Variants in ZNF433 observed in about 807,000 individuals in gnomAD.
ZNF433 encodes the protein zinc finger protein 433.
Under a neutral mutation model 10.6 loss-of-function variants are expected in ZNF433, and 12 were observed. The ratio of observed to expected loss-of-function variants is 1.13; its 90% confidence interval spans 0.72 to 1.83. ZNF433 has a LOEUF of 1.83. Ranked by LOEUF, ZNF433 falls within the 40% of genes most tolerant of loss-of-function variation. ZNF433 has a pLI of 0.00. For missense variants in ZNF433, 737 were observed against 798.0 expected, an observed-to-expected ratio of 0.92 and a Z score of 0.92; for synonymous variants, 272 against 271.3, an observed-to-expected ratio of 1.00 and a Z score of -0.02.
chr19:12,032,721 T>C (rs771089480), intron 1 of ZNF433, among the ~76,000 whole-genome samples: 2 of 152,118 alleles, frequency 1.3e-5, no homozygotes, highest in South Asian at 4.1e-4. Context: ...TGACCTCAGG[T>C]GATCCACCTG....
chr19:12,023,965 A>G (rs925708127), intron 1 of ZNF433: 2 of 152,160 alleles, frequency 1.3e-5, no homozygotes, highest in Non-Finnish European at 2.9e-5. Context: ...ACCAAGGTTT[A>G]GGGTATCATT....
chr19:12,019,616 C>A (rs925593445), intron 1 of ZNF433, among the ~76,000 whole-genome samples: 14 of 152,124 alleles, frequency 9.2e-5, no homozygotes, highest in Admixed American at 2.0e-4. Context: ...GAAAACTGAA[C>A]CTTGAAGACA....
At position 12,014,917 on chromosome 19, in the gene ZNF433, T is replaced by C. The variant is rs1599345160; in HGVS notation, c.1941A>G (p.Gln647=). The C allele has an allele frequency of 1.9e-6, 3 of 1,613,900 alleles. No homozygotes were observed. The highest frequency in any genetic ancestry group is 1.3e-5 in the African/African-American group (1 of 75,022). ...HTGEKPYKCN[Q]CGKVFRCSSQ... Reference sequence around the variant, plus strand: ...AAGAACATCTAAAGACTTTACCACATTGGTTACATTTATAGGGTTTCTCTC... The same window carrying C: ...AAGAACATCTAAAGACTTTACCACACTGGTTACATTTATAGGGTTTCTCTC... The change falls in exon 4 of 4, where the codon CAA becomes CAG. Residue 647 remains glutamine, a synonymous_variant. Coordinates refer to ENST00000550507, the MANE Select transcript of ZNF433 (RefSeq NM_001308348.2).
At chr19:12,033,393 G>A (rs980686437) in intron 1 of ZNF433, among the ~76,000 whole-genome samples, 1 of 152,156 alleles carries the variant, frequency 6.6e-6, no homozygotes, top group Non-Finnish European at 1.5e-5. Context: ...CACTGCACCT[G>A]GCCAGTGCAT....
At chr19:12,035,457 C>T in intron 1 of ZNF433, 80 bp downstream of exon 1, 1 of 1,540,312 alleles carries the variant, frequency 6.5e-7, no homozygotes, top group South Asian at 1.2e-5. Flanking sequence ...CGCGGGGAGG[C>T]CCGGGTCCCA....
rs1179475466 is a variant in ZNF433, at chr19:12,018,157, C to T, written c.130+9G>A. The T allele has an allele frequency of 1.9e-6, 3 of 1,557,062 alleles. No individual in the cohort carries two copies. Among genetic ancestry groups the T allele is most frequent in the African/African-American group, 1.4e-5 (1 of 71,456 alleles). On this transcript the variant is annotated intron_variant, in intron 2 of 3. Transcript: ENST00000550507. ...CATTTACTGAAGGAAGTAATGTTGTCACCCTTACCTATAGAGGCCAGGTTC... is the reference window on the plus strand; with the variant it reads ...CATTTACTGAAGGAAGTAATGTTGTTACCCTTACCTATAGAGGCCAGGTTC...
At chr19:12,030,145 AC>A (rs1475769661) in intron 1 of ZNF433, 18 of 438,500 alleles carry the variant, frequency 4.1e-5, no homozygotes, top group Admixed American at 1.5e-4. Context: ...CTTACCAGGC[AC>A]CAGATCTGTC....
At chr19:12,033,787 A>C (rs1194377545) in intron 1 of ZNF433, among the ~76,000 whole-genome samples, 1 of 152,140 alleles carries the variant, frequency 6.6e-6, no homozygotes, top group Non-Finnish European at 1.5e-5. Context: ...GCGCCACTGC[A>C]CTCCAGCCTG....
intron 1 of ZNF433, 90 bp downstream of exon 1, chr19:12,035,447 C>G: frequency 6.6e-7 from 1 of 1,525,338 alleles, no homozygotes; most frequent in Non-Finnish European, 8.9e-7. Context: ...CCGGAGTCGC[C>G]GCGGGGAGGC....
At position 12,035,587 on chromosome 19, in the gene ZNF433, GGCGACAGAA is replaced by G. The variant is rs2145503802; in HGVS notation, c.-57_-49del. The G allele has an allele frequency of 2.6e-6, 4 of 1,558,092 alleles. No individual in the cohort carries two copies. In the East Asian group the frequency reaches 9.7e-5, roughly 38 times the overall value. ...CACGACCAGTGCGGGTCACAGCACA[GGCGACAGAA>G]GCTATGGCAGAGGCACCTGAACCCT... is the stretch of plus-strand genomic sequence containing the variant. On this transcript the variant is annotated 5_prime_UTR_variant, in exon 1 of 4. Coordinates refer to ENST00000550507, the MANE Select transcript of ZNF433 (RefSeq NM_001308348.2).
At chr19:12,022,527 TGGGTCTTGAACCCA>T (rs1974547899) in intron 1 of ZNF433, among the ~76,000 whole-genome samples, 1 of 152,142 alleles carries the variant, frequency 6.6e-6, no homozygotes, top group Non-Finnish European at 1.5e-5. Flanking sequence ...TGTACATGTG[TGGGTCTTGAACCCA>T]GGTCAAAGTG....
chr19:12,024,162 C>T (rs1159877003), intron 1 of ZNF433: 4 of 152,134 alleles, frequency 2.6e-5, no homozygotes, highest in South Asian at 2.1e-4. Context: ...CTCCAGTCTT[C>T]GTAATTAAGA....
intron 1 of ZNF433, chr19:12,027,138 T>C (rs1023186667): frequency 2.2e-5 from 10 of 448,812 alleles, no homozygotes; most frequent in Admixed American, 4.9e-5. Context: ...ACTGGAGTGC[T>C]TGAAGGAGCT....
At chr19:12,026,913 A>G (rs1259383470) in intron 1 of ZNF433, 3 of 454,158 alleles carry the variant, frequency 6.6e-6, no homozygotes, top group Non-Finnish European at 1.3e-5. Flanking sequence ...ATCTGGAAAC[A>G]TGGTGGTATA....
rs377654594 is a variant in ZNF433, at chr19:12,015,949, C to T, written c.909G>A (p.Gly303=). 1.9e-6 allele frequency: 3 copies of T among 1,613,274 alleles called. No individual in the cohort carries two copies. Among genetic ancestry groups the T allele is most frequent in the African/African-American group, 2.7e-5 (2 of 74,690 alleles). ...SFQIHERTHT[G]EKPYECKECG... is the part of the protein sequence containing the mutation. ...ATTCCTTACATTCATATGGCTTCTC[C>T]CCCGTGTGAGTTCTTTCATGTATTT... is the stretch of plus-strand genomic sequence containing the variant. The change falls in exon 4 of 4, where the codon GGG becomes GGA. Residue 303 remains glycine (G), a synonymous_variant. Coordinates refer to ENST00000550507, the MANE Select transcript of ZNF433 (RefSeq NM_001308348.2).
chr19:12,031,377 A>G lies in ZNF433; in HGVS notation c.3+4160T>C, dbSNP rs377601052. ...TTAAAATAGATATCAAGCCAGGCACAGTGGCTCACACCTGTAATCCCAGCA... is the reference window on the plus strand; with the variant it reads ...TTAAAATAGATATCAAGCCAGGCACGGTGGCTCACACCTGTAATCCCAGCA... On this transcript the variant is annotated intron_variant, in intron 1 of 3. Coordinates refer to ENST00000550507, the MANE Select transcript of ZNF433 (RefSeq NM_001308348.2). 6.6e-5 allele frequency among the ~76,000 whole-genome samples: 10 copies of G among 151,576 alleles called. No individual in the cohort carries two copies. In the East Asian group the frequency reaches 1.2e-3, roughly 18 times the overall value.
At position 12,033,897 on chromosome 19, in the gene ZNF433, G is replaced by T. The variant is rs578079930; in HGVS notation, c.3+1640C>A. Among the ~76,000 whole-genome samples, 67 of 152,272 alleles carry T rather than the reference G, an allele frequency of 4.4e-4. 1 individual carries two copies. Among genetic ancestry groups the T allele is most frequent in the African/African-American group, 1.6e-3 (67 of 41,552 alleles). On this transcript the variant is annotated intron_variant, in intron 1 of 3. Coordinates refer to ENST00000550507, the MANE Select transcript of ZNF433 (RefSeq NM_001308348.2). ...GGAGAGTTGGTGTCTGCAAATTTTA[G>T]AAAGGAACTGAAATTTTAGTATTGT...
chr19:12,033,632 C>A (rs1318210659), intron 1 of ZNF433, among the ~76,000 whole-genome samples: 2 of 152,030 alleles, frequency 1.3e-5, no homozygotes, highest in African/African-American at 4.8e-5. Flanking sequence ...ACCATCCTGG[C>A]TAACACAGTG....
chr19:12,026,499 CAG>C (rs1195095036), intron 1 of ZNF433: 1 of 345,124 alleles, frequency 2.9e-6, no homozygotes, highest in African/African-American at 2.2e-5. Flanking sequence ...AGGGCTGACA[CAG>C]AGAACAATTA....
Sources: gnomAD v4.1 joint callset for allele counts (sites outside exome capture counted in the v4.1 genomes callset) on GRCh38, gnomAD v4.1.1 for gene constraint, MANE v1.5 for transcripts, NCBI Gene and HGNC (gene_info 2026-07-23, HGNC 2026-07-21) for gene names.